Variants in SPTA1 observed in about 807,000 individuals in gnomAD.
SPTA1 encodes spectrin alpha, erythrocytic 1.
A neutral mutation model predicts 324.7 loss-of-function variants in SPTA1; 177 were observed. That is an observed-to-expected ratio of 0.55 (90% confidence interval 0.48 to 0.62). SPTA1 has a LOEUF of 0.62. Ranked by LOEUF, SPTA1 falls within the 20% of genes least tolerant of loss-of-function variation. The probability of loss-of-function intolerance (pLI) is 0.00; values close to 1 mark genes in which losing one functional copy is unlikely to be tolerated. For missense variants in SPTA1, 3,162 were observed against 2,883.6 expected, an observed-to-expected ratio of 1.10 and a Z score of -2.21; for synonymous variants, 1,195 against 1,041.3, an observed-to-expected ratio of 1.15 and a Z score of -2.84.
In SPTA1 at chr1:158,617,619, A is replaced by G. The variant is rs903536971; in HGVS notation, c.6549-31T>C. ...TAAGAACCGAAGGAAATCATTATGC[A>G]TCACATCACAGGTCAATATTTCATA... is the stretch of plus-strand genomic sequence containing the variant. On this transcript the variant is annotated intron_variant, in intron 46 of 51. Coordinates refer to ENST00000643759, the MANE Select transcript of SPTA1 (RefSeq NM_003126.4). 3.8e-6 allele frequency: 6 copies of G among 1,573,594 alleles called. No homozygotes were observed. The African/African-American group carries it at 5.4e-5, about 14-fold the overall frequency.
At chr1:158,622,931 G>A in intron 43 of SPTA1, 52 bp downstream of exon 43, 1 of 1,470,966 alleles carries the variant, frequency 6.8e-7, no homozygotes, top group Non-Finnish European at 9.5e-7. Flanking sequence ...CGAATTTCAT[G>A]GCTAATATAC....
intron 27 of SPTA1, among the ~76,000 whole-genome samples, chr1:158,647,265 CAGT>C (rs1652063791): frequency 6.6e-6 from 1 of 152,196 alleles, no homozygotes. Flanking sequence ...ATACTGAATA[CAGT>C]AGAAGACTGA....
chr1:158,627,486 A>C, intron 40 of SPTA1, 139 bp downstream of exon 40: 1 of 832,208 alleles, frequency 1.2e-6, no homozygotes, highest in Non-Finnish European at 2.0e-6. Context: ...ACAACAACAA[A>C]AGGCAGTTTA....
In SPTA1 at chr1:158,627,617, T is replaced by C; in HGVS notation, c.5664+8A>G. Reference sequence around the variant, plus strand: ...GAAGTTTGAGCTGGAATTCCTGAACTAGCTCACCTTATTTAGGATGTCTTC... The same window carrying C: ...GAAGTTTGAGCTGGAATTCCTGAACCAGCTCACCTTATTTAGGATGTCTTC... On this transcript the variant is annotated splice_region_variant and intron_variant, in intron 40 of 51. Coordinates refer to ENST00000643759, the MANE Select transcript of SPTA1 (RefSeq NM_003126.4). 1 of 1,612,740 alleles carries C rather than the reference T, an allele frequency of 6.2e-7. No individual in the cohort carries two copies. Among genetic ancestry groups the C allele is most frequent in the Non-Finnish European group, 8.5e-7 (1 of 1,179,028 alleles).
rs1013540807 is a variant in SPTA1, at chr1:158,643,568, G to T, written c.4339-143C>A. On this transcript the variant is annotated intron_variant, in intron 30 of 51. Coordinates refer to ENST00000643759, the MANE Select transcript of SPTA1 (RefSeq NM_003126.4). ...GGGTCAAATAATATATGCCTTACAG[G>T]GAGGTGGGTTTCAACTTAATAGGAG... 33 of 831,118 alleles carry T rather than the reference G, an allele frequency of 4.0e-5. No homozygotes were observed. In the African/African-American group the frequency reaches 4.9e-4, roughly 12 times the overall value. The allele number at this position is 831,118 out of a possible 1,614,324, so 51.5% of individuals were successfully genotyped here.
chr1:158,612,727 T>C, intron 51 of SPTA1, 90 bp downstream of exon 51: 1 of 1,403,650 alleles, frequency 7.1e-7, no homozygotes. Flanking sequence ...AACAAGTGGG[T>C]GGGTTTTTTC....
intron 20 of SPTA1, among the ~76,000 whole-genome samples, chr1:158,655,052 G>T (rs563914908): frequency 6.6e-6 from 1 of 152,280 alleles, no homozygotes; most frequent in African/African-American, 2.4e-5. Flanking sequence ...ATTTTAAGAA[G>T]TGTACTCCCT....
intron 5 of SPTA1, among the ~76,000 whole-genome samples, chr1:158,679,035 G>T (rs966594411): frequency 6.6e-6 from 1 of 151,700 alleles, no homozygotes; most frequent in Non-Finnish European, 1.5e-5. Context: ...AAAATTTCAG[G>T]CATTTTTGCA....
intron 47 of SPTA1, among the ~76,000 whole-genome samples, chr1:158,615,877 T>C (rs553182095): frequency 1.3e-5 from 2 of 152,290 alleles, no homozygotes; most frequent in East Asian, 1.9e-4. Flanking sequence ...CTCCACAGTG[T>C]TCACTCCTGG....
intron 24 of SPTA1, among the ~76,000 whole-genome samples, chr1:158,650,198 TTGCTATTACAAAGAC>T (rs1214571229): frequency 1.1e-4 from 16 of 152,212 alleles, no homozygotes; most frequent in Admixed American, 8.5e-4. Flanking sequence ...AAATAAGTGC[TTGCTATTACAAAGAC>T]TGCACTGTAA....
Position 158,639,982 on chromosome 1 carries a change from T to C in SPTA1, c.4763A>G (p.His1588Arg). The change falls in exon 34 of 52, where the codon CAT (histidine) becomes CGT (arginine). Residue 1588 changes from histidine (H) to arginine (R), a missense_variant. Coordinates refer to ENST00000643759, the MANE Select transcript of SPTA1 (RefSeq NM_003126.4). Reference protein sequence around the residue: ...MKEQLEQLKEHWDHLLERTND... With the variant: ...MKEQLEQLKERWDHLLERTND... ...TGTTCTCTCAAGCAGATGATCCCAA[T>C]GTTCCTTCAGCTGTTCCAGTTGCTC... 1 of 1,613,908 alleles carries C rather than the reference T, an allele frequency of 6.2e-7. No homozygotes were observed. The highest frequency in any genetic ancestry group is 8.5e-7 in the Non-Finnish European group (1 of 1,179,882).
rs776185044 is a variant in SPTA1, at chr1:158,681,560, C to T, written c.498G>A (p.Glu166=). The T allele has an allele frequency of 5.6e-6, 9 of 1,613,776 alleles. No individual in the cohort carries two copies. In the South Asian group the frequency reaches 6.6e-5, roughly 12 times the overall value. ...CAATCCACTCTAAGATGTCAGCACA[C>T]TCCTGTACATACTGCTGGAACTTCA... ...RALKFQQYVQ[E]CADILEWIGD... Residue 166 remains glutamate, a synonymous_variant, in exon 4 of 52, where the codon GAG becomes GAA. Coordinates refer to ENST00000643759, the MANE Select transcript of SPTA1 (RefSeq NM_003126.4).
chr1:158,686,577 A>AG lies in SPTA1; in HGVS notation c.-61_-60insC. 1 of 992,096 alleles carries AG rather than the reference A, an allele frequency of 1.0e-6. No homozygotes were observed. Among genetic ancestry groups the AG allele is most frequent in the Non-Finnish European group, 1.5e-6 (1 of 664,374 alleles). The allele number at this position is 992,096 out of a possible 1,614,324, so 61.5% of individuals were successfully genotyped here. A position where few individuals can be genotyped will look rare whatever the true frequency, so the allele number is the denominator to read the frequency against. Reference sequence around the variant, plus strand: ...TGTGTCAGAGAGAGAGAGAGAGAGAAATAATTCAAATGGAACTGTCCAGTC... The same window carrying AG: ...TGTGTCAGAGAGAGAGAGAGAGAGAAGATAATTCAAATGGAACTGTCCAGTC... On this transcript the variant is annotated 5_prime_UTR_variant, in exon 1 of 52. It introduces an in-frame stop codon into an upstream open reading frame of the 5' UTR. Coordinates refer to ENST00000643759, the MANE Select transcript of SPTA1 (RefSeq NM_003126.4).
At chr1:158,666,179 C>T (rs1653582283) in intron 16 of SPTA1, 137 bp downstream of exon 16, 2 of 746,548 alleles carry the variant, frequency 2.7e-6, no homozygotes, top group Non-Finnish European at 4.5e-6. Flanking sequence ...AATCAGTGTG[C>T]TCAGAGCATA....
intron 7 of SPTA1, among the ~76,000 whole-genome samples, chr1:158,677,223 T>C (rs955340601): frequency 5.7e-4 from 86 of 152,088 alleles, no homozygotes; most frequent in African/African-American, 1.9e-3. Flanking sequence ...AACCTAAAGG[T>C]AGGTTTAGCA....
At chr1:158,627,096 C>T in intron 40 of SPTA1, 89 bp from the exon 41 acceptor site, 1 of 1,530,874 alleles carries the variant, frequency 6.5e-7, no homozygotes, top group Admixed American at 1.7e-5. Context: ...CTCATCTCTC[C>T]CATTTCAAAT....
At position 158,634,353 on chromosome 1, in the gene SPTA1, G is replaced by A. The variant is rs11811522; in HGVS notation, c.5565+190C>T. Among the ~76,000 whole-genome samples, 51,794 of 152,064 alleles carry A rather than the reference G, an allele frequency of 0.34. 9,368 individuals carry two copies. Among genetic ancestry groups the A allele is most frequent in the African/African-American group, 0.46 (19,069 of 41,466 alleles). On this transcript the variant is annotated intron_variant, in intron 39 of 51. Transcript: ENST00000643759. ...CCTGCCTTCATGCCTGATTGGTTCC[G>A]TAATCTTGGGCAAGTCACTTACATG...
chr1:158,621,928 G>T (rs1035329558), intron 43 of SPTA1, among the ~76,000 whole-genome samples: 1 of 152,110 alleles, frequency 6.6e-6, no homozygotes, highest in South Asian at 2.1e-4. Flanking sequence ...CAGTGGCCGC[G>T]ATCTGGGCTC....
intron 49 of SPTA1, 70 bp from the exon 50 acceptor site, chr1:158,613,937 T>A (rs1649405563): frequency 6.6e-7 from 1 of 1,520,344 alleles, no homozygotes; most frequent in African/African-American, 1.4e-5. Context: ...CAGAAAGGAA[T>A]ATGTCTTATT....
Sources: allele counts gnomAD v4.1 joint callset (sites outside exome capture counted in the v4.1 genomes callset), GRCh38; gene constraint gnomAD v4.1.1; transcripts MANE v1.5; gene names NCBI Gene and HGNC (gene_info 2026-07-23, HGNC 2026-07-21).